The following ZBTB16 variants were observed in gnomAD, a reference collection of about 807,000 sequenced individuals.
ZBTB16 encodes the protein zinc finger and BTB domain containing 16, also known as zinc finger and BTB domain-containing protein 16.
ZBTB16 carries 8 observed loss-of-function variants against 56.8 expected under a neutral mutation model. That is an observed-to-expected ratio of 0.14 (90% CI 0.08 to 0.25). The LOEUF is 0.25. Ranked by LOEUF, ZBTB16 falls within the 10% of genes least tolerant of loss-of-function variation. The probability of loss-of-function intolerance (pLI) is 1.00; values close to 1 mark genes in which losing one functional copy is unlikely to be tolerated. For missense variants in ZBTB16, 625 were observed against 903.0 expected, an observed-to-expected ratio of 0.69 and a Z score of 3.95; for synonymous variants, 363 against 368.5, an observed-to-expected ratio of 0.98 and a Z score of 0.17.
At chr11:114,246,245 G>T (rs1168096455) in intron 5 of ZBTB16, among the ~76,000 whole-genome samples, 1 of 152,188 alleles carries the variant, frequency 6.6e-6, no homozygotes, top group African/African-American at 2.4e-5. Flanking sequence ...CATGCTGGAG[G>T]TATGGTGGGC....
chr11:114,151,415 C>T (rs1942275734), intron 2 of ZBTB16, among the ~76,000 whole-genome samples: 1 of 152,168 alleles, frequency 6.6e-6, no homozygotes, highest in African/African-American at 2.4e-5. Context: ...GGATTTCCCA[C>T]TTTATTTTTC....
chr11:114,064,390 G>A lies in ZBTB16; in HGVS notation c.1090G>A (p.Val364Ile). The A allele has an allele frequency of 6.2e-7, 1 of 1,614,102 alleles. No homozygotes were observed. Among genetic ancestry groups the A allele is most frequent in the South Asian group, 1.1e-5 (1 of 91,084 alleles). ...CCTCCACGTGCAGCCTGCCCTGGCTGTCTCCATGGACTTCAGCACCTATGG... is the reference window on the plus strand; with the variant it reads ...CCTCCACGTGCAGCCTGCCCTGGCTATCTCCATGGACTTCAGCACCTATGG... ...SGLHVQPALA[V>I]SMDFSTYGGL... The change falls in exon 2 of 7, where the codon GTC (valine) becomes ATC (isoleucine). Residue 364 changes from valine to isoleucine, a missense_variant. Val to Ile is a conservative substitution (Grantham distance 29). This residue lies in a region of ZBTB16 where 384 missense variants were observed against 393.5 expected (regional missense o/e 0.98). Coordinates refer to ENST00000335953, the MANE Select transcript of ZBTB16 (RefSeq NM_006006.6). This position sits in a 1 kb window ranked among gnomAD's most constrained non-coding sequence, Gnocchi z 4.2.
In ZBTB16 at chr11:114,156,361, G is replaced by C. The variant is rs375573362; in HGVS notation, c.1293G>C (p.Thr431=). The C allele has an allele frequency of 2.1e-5, 34 of 1,614,114 alleles. No individual in the cohort carries two copies. The Admixed American group carries it at 2.7e-4, about 13-fold the overall frequency. ...QHRKLHSGMK[T]YGCELCGKRF... is the part of the protein sequence containing the mutation. Reference sequence around the variant, plus strand: ...GGAAGCTGCACAGTGGGATGAAGACGTACGGGTGCGAGCTCTGCGGGAAGC... The same window carrying C: ...GGAAGCTGCACAGTGGGATGAAGACCTACGGGTGCGAGCTCTGCGGGAAGC... The change falls in exon 3 of 7, where the codon ACG becomes ACC. Residue 431 remains threonine, a synonymous_variant. Coordinates refer to ENST00000335953, the MANE Select transcript of ZBTB16 (RefSeq NM_006006.6).
chr11:114,203,105 A>C (rs543375402), intron 4 of ZBTB16, among the ~76,000 whole-genome samples: 1 of 152,328 alleles, frequency 6.6e-6, no homozygotes, highest in South Asian at 2.1e-4. Context: ...TATCCATACC[A>C]TGGACTATAA....
intron 2 of ZBTB16, among the ~76,000 whole-genome samples, chr11:114,121,103 A>G (rs1941329891): frequency 6.6e-6 from 1 of 152,236 alleles, no homozygotes; most frequent in African/African-American, 2.4e-5. Flanking sequence ...AACCTTAGGT[A>G]TCAAACTGGG....
intron 4 of ZBTB16, among the ~76,000 whole-genome samples, chr11:114,192,935 G>A (rs1017036651): frequency 1.4e-4 from 21 of 152,360 alleles, no homozygotes; most frequent in African/African-American, 5.0e-4. Flanking sequence ...GGGCAGGGGA[G>A]TAAGCTGAGT....
At chr11:114,195,443 C>A (rs1019954903) in intron 4 of ZBTB16, among the ~76,000 whole-genome samples, 4 of 152,038 alleles carry the variant, frequency 2.6e-5, no homozygotes, top group Non-Finnish European at 5.9e-5. Flanking sequence ...GGGGGATGGG[C>A]AAATGACTGC....
At chr11:114,135,596 T>C (rs914397386) in intron 2 of ZBTB16, among the ~76,000 whole-genome samples, 1 of 152,150 alleles carries the variant, frequency 6.6e-6, no homozygotes, top group Admixed American at 6.5e-5. Flanking sequence ...CAGTCTCTCC[T>C]TGACCCTCCA....
At chr11:114,075,588 C>T (rs1471456611) in intron 2 of ZBTB16, among the ~76,000 whole-genome samples, 1 of 150,628 alleles carries the variant, frequency 6.6e-6, no homozygotes, top group African/African-American at 2.5e-5. Context: ...TCCCAAGTAC[C>T]TGGGACCACA....
chr11:114,075,658 A>G (rs1939533375), intron 2 of ZBTB16, among the ~76,000 whole-genome samples: 1 of 141,268 alleles, frequency 7.1e-6, no homozygotes, highest in Admixed American at 6.8e-5. Context: ...TTTAGTAGAG[A>G]TGGGGTTTCG....
In ZBTB16 at chr11:114,143,192, C is replaced by T. The variant is rs1025483443; in HGVS notation, c.1269-13145C>T. ...CGGCTCTAAGCAATATGTTCTACTC[C>T]ATCCAAATCCCGATTGATTTATTAC... On this transcript the variant is annotated intron_variant, in intron 2 of 6. Coordinates refer to ENST00000335953, the MANE Select transcript of ZBTB16 (RefSeq NM_006006.6). This position sits in a 1 kb window ranked among gnomAD's most constrained non-coding sequence, Gnocchi z 6.4. Among the ~76,000 whole-genome samples, 3 of 152,162 alleles carry T rather than the reference C, an allele frequency of 2.0e-5. No individual in the cohort carries two copies. The highest frequency in any genetic ancestry group is 4.8e-5 in the African/African-American group (2 of 41,412).
intron 4 of ZBTB16, chr11:114,189,296 T>C (rs1487274896): frequency 6.6e-6 from 1 of 152,162 alleles, no homozygotes; most frequent in African/African-American, 2.4e-5. Flanking sequence ...TCTCCAAAGA[T>C]AGACAAATAG....
chr11:114,112,981 C>T lies in ZBTB16; in HGVS notation c.1269-43356C>T, dbSNP rs550261780. On this transcript the variant is annotated intron_variant, in intron 2 of 6. Transcript: ENST00000335953. ...AGAGATGGGATCTCACTGCATTGCC[C>T]AGGCTGATCATGACCACCTGGGCGC... Among the ~76,000 whole-genome samples, 88 of 152,144 alleles carry T rather than the reference C, an allele frequency of 5.8e-4. No individual in the cohort carries two copies. The Middle Eastern group carries it at 0.01, about 18-fold the overall frequency.
chr11:114,238,463 C>A (rs1485299496), intron 4 of ZBTB16, among the ~76,000 whole-genome samples: 3 of 152,024 alleles, frequency 2.0e-5, no homozygotes, highest in Non-Finnish European at 4.4e-5. Context: ...TGGTTGCAGA[C>A]TGCTGATTTC....
chr11:114,076,007 G>A (rs1198763978), intron 2 of ZBTB16, among the ~76,000 whole-genome samples: 2 of 152,134 alleles, frequency 1.3e-5, no homozygotes, highest in Non-Finnish European at 2.9e-5. Context: ...GAGAAAAAAT[G>A]TTTGTGAGTT....
intron 4 of ZBTB16, among the ~76,000 whole-genome samples, chr11:114,212,751 A>G (rs961209541): frequency 1.3e-5 from 2 of 152,064 alleles, no homozygotes; most frequent in Non-Finnish European, 2.9e-5. Flanking sequence ...AACCACCCTT[A>G]AATTCCTTGG....
intron 1 of ZBTB16, among the ~76,000 whole-genome samples, chr11:114,062,012 C>T (rs1938891080): frequency 6.6e-6 from 1 of 152,010 alleles, no homozygotes; most frequent in Non-Finnish European, 1.5e-5. Flanking sequence ...CATCCTTCTT[C>T]GTTTTTTAGA....
rs769852247 is a variant in ZBTB16 at position 114,247,380 on chromosome 11, G to A, written c.1792+15G>A. On this transcript the variant is annotated intron_variant, in intron 6 of 6. Transcript: ENST00000335953. ...GGTGCACACAGGTACCGAAGGCCAGGGAGGGGCCTGAGCTGGCTCTGGGAC... is the reference window on the plus strand; with the variant it reads ...GGTGCACACAGGTACCGAAGGCCAGAGAGGGGCCTGAGCTGGCTCTGGGAC... 1.9e-6 allele frequency: 3 copies of A among 1,614,126 alleles called. No individual in the cohort carries two copies. The highest frequency in any genetic ancestry group is 4.5e-5 in the East Asian group (2 of 44,882).
At chr11:114,148,045 G>A (rs1335999551) in intron 2 of ZBTB16, among the ~76,000 whole-genome samples, 1 of 152,208 alleles carries the variant, frequency 6.6e-6, no homozygotes, top group African/African-American at 2.4e-5. Context: ...GACCGGTTAC[G>A]TAGCAGCCAG....
Sources: gnomAD v4.1 joint callset for allele counts (sites outside exome capture counted in the v4.1 genomes callset) on GRCh38, gnomAD v4.1.1 for gene constraint, gnomAD v4.1.1 regional missense constraint, Gnocchi (gnomAD v3.1) non-coding constraint, MANE v1.5 for transcripts, NCBI Gene and HGNC (gene_info 2026-07-23, HGNC 2026-07-21) for gene names.